Variants in CCDC178 observed in about 807,000 individuals in gnomAD.
CCDC178 encodes the protein coiled-coil domain containing 178, also known as coiled-coil domain-containing protein 178.
Under a neutral mutation model 117.4 loss-of-function variants are expected in CCDC178, and 126 were observed. The observed-to-expected ratio is 1.07, with a 90% CI of 0.93 to 1.24. The LOEUF (loss-of-function observed/expected upper bound fraction) is 1.24, where lower values mean the gene tolerates loss of function less well. Among genes scored for constraint, CCDC178 ranks in the 50% most tolerant of loss-of-function variants. CCDC178 has a pLI of 0.00. For synonymous variants in CCDC178, 283 were observed against 313.4 expected (o/e 0.90, Z 1.02); for missense variants, 1,030 against 986.9 (o/e 1.04, Z -0.59).
At chr18:33,120,156 C>G (rs1402986234) in intron 20 of CCDC178, among the ~76,000 whole-genome samples, 1 of 151,546 alleles carries the variant, frequency 6.6e-6, no homozygotes, top group East Asian at 1.9e-4. Context: ...GCACGTTATG[C>G]ACATGTACCC....
chr18:33,375,597 C>G (rs1024123690), intron 5 of CCDC178, among the ~76,000 whole-genome samples: 4 of 152,084 alleles, frequency 2.6e-5, no homozygotes, highest in Non-Finnish European at 5.9e-5. Flanking sequence ...ACATTCACAA[C>G]AGTAAATTAA....
chr18:33,067,918 C>T (rs1401568393), intron 21 of CCDC178, among the ~76,000 whole-genome samples: 1 of 151,470 alleles, frequency 6.6e-6, no homozygotes, highest in Non-Finnish European at 1.5e-5. Context: ...AGACAAAGAA[C>T]ATCAAAAACT....
chr18:33,346,418 C>G lies in CCDC178; in HGVS notation c.458-7G>C. 1 of 1,586,976 alleles carries G rather than the reference C, an allele frequency of 6.3e-7. No individual in the cohort carries two copies. Among genetic ancestry groups the G allele is most frequent in the South Asian group, 1.1e-5 (1 of 89,788 alleles). On this transcript the variant is annotated splice_region_variant and splice_polypyrimidine_tract_variant and intron_variant, in intron 8 of 22. Coordinates refer to ENST00000383096, the MANE Select transcript of CCDC178 (RefSeq NM_001105528.4). ...AACTCTGGACACTTTTCATCTTAAA[C>G]AGAAATAAATATTCACATTTGTTAA...
At chr18:33,136,915 A>T (rs759298520) in intron 20 of CCDC178, among the ~76,000 whole-genome samples, 2 of 152,214 alleles carry the variant, frequency 1.3e-5, no homozygotes, top group Non-Finnish European at 2.9e-5. Context: ...AGCACCTATT[A>T]GGTGCCAAGC....
chr18:33,424,720 A>C (rs544595839), intron 2 of CCDC178, among the ~76,000 whole-genome samples: 1 of 152,338 alleles, frequency 6.6e-6, no homozygotes, highest in East Asian at 1.9e-4. Flanking sequence ...GCTGACGTGC[A>C]GGCATGGGGG....
At chr18:33,272,512 A>C (rs1413930774) in intron 12 of CCDC178, among the ~76,000 whole-genome samples, 3 of 151,660 alleles carry the variant, frequency 2.0e-5, no homozygotes, top group Non-Finnish European at 4.4e-5. Flanking sequence ...AATCTTCCAA[A>C]AAATAGAAAA....
At chr18:33,316,192 G>A (rs1044057570) in intron 11 of CCDC178, among the ~76,000 whole-genome samples, 2 of 152,200 alleles carry the variant, frequency 1.3e-5, no homozygotes, top group Admixed American at 1.3e-4. Flanking sequence ...GGCCAAGGCC[G>A]GAGCCAGCTC....
intron 21 of CCDC178, among the ~76,000 whole-genome samples, chr18:33,090,178 T>C (rs1205553662): frequency 6.6e-6 from 1 of 152,206 alleles, no homozygotes; most frequent in Non-Finnish European, 1.5e-5. Flanking sequence ...GGGGACATTA[T>C]TTTCCATTTG....
chr18:33,364,085 G>A lies in CCDC178; in HGVS notation c.348+5965C>T, dbSNP rs1161697883. On this transcript the variant is annotated intron_variant, in intron 6 of 22. Coordinates refer to ENST00000383096, the MANE Select transcript of CCDC178 (RefSeq NM_001105528.4). Reference sequence around the variant, plus strand: ...GCTCTAACAGCCAACAACCATGTGAGTGAGACCATTTTAATCATTATTCCC... The same window carrying A: ...GCTCTAACAGCCAACAACCATGTGAATGAGACCATTTTAATCATTATTCCC... Among the ~76,000 whole-genome samples the A allele has an allele frequency of 5.9e-5, 9 of 152,182 alleles. No homozygotes were observed. In the South Asian group the frequency reaches 1.7e-3, roughly 28 times the overall value.
chr18:33,147,141 C>CTTTTT (rs963180337), intron 20 of CCDC178, among the ~76,000 whole-genome samples: 3 of 117,378 alleles, frequency 2.6e-5, no homozygotes, highest in Non-Finnish European at 5.3e-5. Context: ...TAGCTGATTT[C>CTTTTT]TTTTTTTTTT....
At chr18:33,035,607 G>A (rs909597176) in intron 21 of CCDC178, among the ~76,000 whole-genome samples, 12 of 151,980 alleles carry the variant, frequency 7.9e-5, no homozygotes, top group African/African-American at 2.9e-4. Flanking sequence ...GTGTTTCGCA[G>A]GGGCTGGGGA....
rs1332513598 is a variant in CCDC178, at chr18:33,440,704, T to G, written c.-194A>C. ...TCCCGGACCCGCGCCTGCCCACCCC[T>G]CCGGCTCTGCTGCGGTCGAGGCCCC... is the stretch of plus-strand genomic sequence containing the variant. On this transcript the variant is annotated 5_prime_UTR_variant, in exon 1 of 23. Coordinates refer to ENST00000383096, the MANE Select transcript of CCDC178 (RefSeq NM_001105528.4). 3.9e-5 allele frequency: 6 copies of G among 152,458 alleles called. No homozygotes were observed. Among genetic ancestry groups the G allele is most frequent in the African/African-American group, 1.5e-4 (6 of 40,944 alleles). The allele number at this position is 152,458 out of a possible 1,614,324, so 9.4% of individuals were successfully genotyped here. A position where few individuals can be genotyped will look rare whatever the true frequency, so the allele number is the denominator to read the frequency against.
chr18:33,207,626 T>C (rs2059060220), intron 20 of CCDC178, among the ~76,000 whole-genome samples: 1 of 151,532 alleles, frequency 6.6e-6, no homozygotes, highest in African/African-American at 2.4e-5. Context: ...TTTAGAAAAA[T>C]TGAACTATAG....
chr18:33,098,844 A>C lies in CCDC178; in HGVS notation c.2239-5934T>G, dbSNP rs150824668. Among the ~76,000 whole-genome samples, 7 of 152,124 alleles carry C rather than the reference A, an allele frequency of 4.6e-5. No homozygotes were observed. In the East Asian group the frequency reaches 1.4e-3, roughly 30 times the overall value. Reference sequence around the variant, plus strand: ...AGGAATTAAAAAAAGGATAAGATATAATTCCTGTTCGCCAAGGATTACAAG... The same window carrying C: ...AGGAATTAAAAAAAGGATAAGATATCATTCCTGTTCGCCAAGGATTACAAG... On this transcript the variant is annotated intron_variant, in intron 20 of 22. Transcript: ENST00000383096.
intron 14 of CCDC178, among the ~76,000 whole-genome samples, chr18:33,251,881 C>G (rs1044420438): frequency 2.6e-5 from 4 of 151,746 alleles, no homozygotes; most frequent in African/African-American, 9.6e-5. Context: ...AAGAAAGCTG[C>G]TGGTTTAGTT....
intron 21 of CCDC178, among the ~76,000 whole-genome samples, chr18:33,030,540 G>C (rs891077337): frequency 6.6e-6 from 1 of 151,728 alleles, no homozygotes; most frequent in African/African-American, 2.4e-5. Flanking sequence ...TAGATAGATA[G>C]ATAGATAGAT....
intron 10 of CCDC178, chr18:33,328,268 A>G (rs866407144): frequency 1.4e-4 from 30 of 218,436 alleles, no homozygotes; most frequent in Middle Eastern, 2.0e-3. Flanking sequence ...ACACCCAGCT[A>G]ATTTTTGTAT....
intron 20 of CCDC178, among the ~76,000 whole-genome samples, chr18:33,171,900 GT>G (rs1447112007): frequency 2.6e-5 from 4 of 151,952 alleles, no homozygotes; most frequent in Non-Finnish European, 5.9e-5. Context: ...CCAAAATTCT[GT>G]TTTTTGTTTT....
At chr18:33,293,074 G>T in intron 12 of CCDC178, 85 bp downstream of exon 12, 1 of 916,066 alleles carries the variant, frequency 1.1e-6, no homozygotes, top group Non-Finnish European at 1.6e-6. Context: ...TTGGCCAATT[G>T]CTATTTAATT....
Sources: gnomAD v4.1 joint callset for allele counts (sites outside exome capture counted in the v4.1 genomes callset) on GRCh38, gnomAD v4.1.1 for gene constraint, MANE v1.5 for transcripts, NCBI Gene and HGNC (gene_info 2026-07-23, HGNC 2026-07-21) for gene names.